Variants in EDRF1 observed in about 807,000 individuals in gnomAD.
EDRF1 encodes the protein erythroid differentiation-related factor 1.
In EDRF1, 69 loss-of-function variants were observed where a neutral mutation model predicts 148.7. The ratio of observed to expected loss-of-function variants is 0.46; its 90% CI spans 0.38 to 0.57. The LOEUF is 0.57. Ranked by LOEUF, EDRF1 falls within the 20% of genes least tolerant of loss-of-function variation. The probability of loss-of-function intolerance (pLI) is 0.00; values close to 1 mark genes in which losing one functional copy is unlikely to be tolerated. For missense variants in EDRF1, 1,118 were observed against 1,478.7 expected (o/e 0.76, Z 4.00); for synonymous variants, 515 against 532.8 (o/e 0.97, Z 0.46).
At chr10:125,721,146 G>A (rs1847977391) in intron 1 of EDRF1, 58 bp from the exon 2 acceptor site, 1 of 1,541,704 alleles carries the variant, frequency 6.5e-7, no homozygotes, top group African/African-American at 1.4e-5. Flanking sequence ...TTTTTATAAA[G>A]GTGAGATTTT....
Position 125,720,026 on chromosome 10 carries a change from C to T in EDRF1, c.108+111C>T, listed in dbSNP as rs1847907669. 4 of 914,074 alleles carry T rather than the reference C, an allele frequency of 4.4e-6. No homozygotes were observed. In the South Asian group the frequency reaches 6.4e-5, roughly 15 times the overall value. The allele number at this position is 914,074 out of a possible 1,614,324, so 56.6% of individuals were successfully genotyped here. On this transcript the variant is annotated intron_variant, in intron 1 of 24. Transcript: ENST00000356792. ...GATTCTGGAGGCTTCTCCATGTTTC[C>T]CTGACACCCCCAAAACAGGGAGTTG...
intron 1 of EDRF1, 59 bp from the exon 2 acceptor site, chr10:125,721,145 A>G: frequency 1.3e-6 from 2 of 1,537,954 alleles, no homozygotes; most frequent in Non-Finnish European, 1.8e-6. Flanking sequence ...CTTTTTATAA[A>G]GGTGAGATTT....
In EDRF1 at chr10:125,725,324, G is replaced by T; in HGVS notation, c.517G>T (p.Asp173Tyr). 6.2e-7 allele frequency: 1 copy of T among 1,614,026 alleles called. No individual in the cohort carries two copies. Among genetic ancestry groups the T allele is most frequent in the South Asian group, 1.1e-5 (1 of 91,030 alleles). The change falls in exon 5 of 25, where the codon GAC (aspartate) becomes TAC (tyrosine). Residue 173 changes from aspartate to tyrosine, a missense_variant. Physicochemically the swap from Asp to Tyr is radical, Grantham distance 160. This residue lies in a region of EDRF1 where 99 missense variants were observed against 186.9 expected (regional missense o/e 0.53). Coordinates refer to ENST00000356792, the MANE Select transcript of EDRF1 (RefSeq NM_001202438.2). ...TGTATCTCATGTTATCCAGACTGGTGACTGGACATGGTTGAAAGAGTTTTA... is the reference window on the plus strand; with the variant it reads ...TGTATCTCATGTTATCCAGACTGGTTACTGGACATGGTTGAAAGAGTTTTA... ...ELFMRSSQTG[D>Y]WTWLKEFYQR...
chr10:125,749,779 G>A, intron 22 of EDRF1: 1 of 578,200 alleles, frequency 1.7e-6, no homozygotes, highest in Non-Finnish European at 3.1e-6. Flanking sequence ...TCAGTGACTA[G>A]AAATACTGAG....
At chr10:125,750,933 G>T (rs532700150) in intron 22 of EDRF1, among the ~76,000 whole-genome samples, 3 of 152,070 alleles carry the variant, frequency 2.0e-5, no homozygotes, top group African/African-American at 7.2e-5. Context: ...CATCTTTTTT[G>T]TTGTTGGGGT....
chr10:125,729,363 T>G lies in EDRF1; in HGVS notation c.900T>G (p.Leu300=). 3.7e-6 allele frequency: 6 copies of G among 1,613,370 alleles called. No homozygotes were observed. Among genetic ancestry groups the G allele is most frequent in the Non-Finnish European group, 5.1e-6 (6 of 1,179,288 alleles). Residue 300 remains leucine (L), a synonymous_variant, in exon 8 of 25, where the codon CTT becomes CTG. Coordinates refer to ENST00000356792, the MANE Select transcript of EDRF1 (RefSeq NM_001202438.2). Reference sequence around the variant, plus strand: ...CTCCCTATTTTAAATCACAGGGTCTTAAAAATGATTTTGTTCGGAATATTC... The same window carrying G: ...CTCCCTATTTTAAATCACAGGGTCTGAAAAATGATTTTGTTCGGAATATTC... ...LFNDGEHSQG[L]KNDFVRNILW...
At chr10:125,742,855 C>A in intron 17 of EDRF1, 1 of 880,076 alleles carries the variant, frequency 1.1e-6, no homozygotes, top group Non-Finnish European at 1.4e-6. Context: ...TTTTATCCAA[C>A]ATTAATATCC....
intron 24 of EDRF1, among the ~76,000 whole-genome samples, chr10:125,758,040 T>A (rs548359055): frequency 6.6e-6 from 1 of 152,372 alleles, no homozygotes; most frequent in African/African-American, 2.4e-5. Context: ...TGCCATTTTT[T>A]CCTTTTTGTG....
At position 125,749,511 on chromosome 10, in the gene EDRF1, G is replaced by A; in HGVS notation, c.3223G>A (p.Glu1075Lys). 1.9e-6 allele frequency: 3 copies of A among 1,614,138 alleles called. No homozygotes were observed. The highest frequency in any genetic ancestry group is 1.7e-5 in the Admixed American group (1 of 60,020). The change falls in exon 22 of 25, where the codon GAA becomes AAA. Residue 1075 changes from glutamate (E) to lysine (K), a missense_variant. Glu to Lys is a moderately conservative substitution (Grantham distance 56, BLOSUM62 1). Around this residue, in one of 3 missense-constraint regions of EDRF1, gnomAD observed 954 missense variants for 1,241.4 expected, o/e 0.77. Transcript: ENST00000356792. ...LFQLLKDAPC[E>K]LLRVQLERVA... ...TCAGCTGCTGAAAGATGCTCCCTGC[G>A]AACTGCTTAGAGTACAGCTAGAGAG...
intron 15 of EDRF1, among the ~76,000 whole-genome samples, chr10:125,739,827 C>A (rs1381857635): frequency 6.6e-6 from 1 of 152,136 alleles, no homozygotes; most frequent in Non-Finnish European, 1.5e-5. Context: ...AGGATAGAGG[C>A]CATATAACTT....
intron 13 of EDRF1, 64 bp from the exon 14 acceptor site, chr10:125,737,854 A>G: frequency 6.6e-7 from 1 of 1,506,344 alleles, no homozygotes; most frequent in Admixed American, 1.7e-5. Context: ...AATCTTCAAC[A>G]AAAACAATAT....
At chr10:125,757,052 G>A (rs1849935153) in intron 24 of EDRF1, 2 of 435,816 alleles carry the variant, frequency 4.6e-6, no homozygotes, top group South Asian at 1.7e-5. Flanking sequence ...GGGTCAAGCA[G>A]TCCACCTTCC....
At chr10:125,756,235 T>C (rs1589875695) in intron 24 of EDRF1, among the ~76,000 whole-genome samples, 1 of 152,350 alleles carries the variant, frequency 6.6e-6, no homozygotes, top group African/African-American at 2.4e-5. Context: ...TTTCTGAATA[T>C]TGGGACTTGT....
At chr10:125,756,696 A>G (rs1849914156) in intron 24 of EDRF1, 1 of 342,798 alleles carries the variant, frequency 2.9e-6, no homozygotes, top group Non-Finnish European at 5.5e-6. Flanking sequence ...CTTTGATAAT[A>G]TAGCTACTCA....
At chr10:125,730,619 T>A (rs1848441676) in intron 9 of EDRF1, among the ~76,000 whole-genome samples, 1 of 152,250 alleles carries the variant, frequency 6.6e-6, no homozygotes. Flanking sequence ...TTCATAAATA[T>A]ATGAAAACCT....
intron 3 of EDRF1, 30 bp from the exon 4 acceptor site, chr10:125,723,781 C>T (rs750842798): frequency 6.3e-6 from 10 of 1,598,502 alleles, no homozygotes; most frequent in African/African-American, 4.0e-5. Context: ...AACAGTCTTT[C>T]TAAACTATTT....
At chr10:125,749,141 G>A in intron 21 of EDRF1, 1 of 445,810 alleles carries the variant, frequency 2.2e-6, no homozygotes, top group Non-Finnish European at 4.1e-6. Context: ...CAGCAACTTG[G>A]GAGGCTGAGG....
At chr10:125,754,975 G>A (rs1410355636) in intron 24 of EDRF1, among the ~76,000 whole-genome samples, 3 of 152,128 alleles carry the variant, frequency 2.0e-5, no homozygotes, top group Non-Finnish European at 4.4e-5. Context: ...GCATATAGAT[G>A]TGTGCCTGCC....
intron 24 of EDRF1, among the ~76,000 whole-genome samples, chr10:125,759,073 T>G (rs908754251): frequency 2.6e-5 from 4 of 152,166 alleles, no homozygotes; most frequent in African/African-American, 9.7e-5. Context: ...CAGCTGCTGT[T>G]ACCCTGTCAT....
Sources: gnomAD v4.1 joint callset for allele counts (sites outside exome capture counted in the v4.1 genomes callset) on GRCh38, gnomAD v4.1.1 for gene constraint, gnomAD v4.1.1 regional missense constraint, MANE v1.5 for transcripts, NCBI Gene and HGNC (gene_info 2026-07-23, HGNC 2026-07-21) for gene names.